Variants in DENND1A observed in about 807,000 individuals in gnomAD.
DENND1A encodes the protein DENN domain-containing protein 1A.
A neutral mutation model predicts 113.7 loss-of-function variants in DENND1A; 51 were observed. The ratio of observed to expected loss-of-function variants is 0.45; its 90% confidence interval spans 0.36 to 0.57. The LOEUF (loss-of-function observed/expected upper bound fraction) is 0.57, where lower values mean the gene tolerates loss of function less well. Among genes scored for constraint, DENND1A ranks in the 20% least tolerant of loss-of-function variants. The pLI, the probability that DENND1A is intolerant of heterozygous loss-of-function variation, is 0.00. For synonymous variants in DENND1A, 565 were observed against 570.8 expected (o/e 0.99, Z 0.14); for missense variants, 1,258 against 1,395.9 (o/e 0.90, Z 1.57).
chr9:123,715,438 T>TA (rs1193651205), intron 5 of DENND1A, among the ~76,000 whole-genome samples: 1 of 152,184 alleles, frequency 6.6e-6, no homozygotes, highest in African/African-American at 2.4e-5. Flanking sequence ...CTGACTCATA[T>TA]AAAACTTCCT....
At chr9:123,858,088 A>C (rs2133245631) in intron 2 of DENND1A, among the ~76,000 whole-genome samples, 1 of 152,118 alleles carries the variant, frequency 6.6e-6, no homozygotes, top group African/African-American at 2.4e-5. Context: ...AAAAGAAAGA[A>C]AGAAACATTA....
At chr9:123,455,843 A>T (rs1250758694) in intron 15 of DENND1A, among the ~76,000 whole-genome samples, 2 of 152,208 alleles carry the variant, frequency 1.3e-5, no homozygotes, top group African/African-American at 4.8e-5. Flanking sequence ...ACACAACTCC[A>T]GCCCAGCCTC....
At chr9:123,525,330 T>C (rs975656084) in intron 13 of DENND1A, among the ~76,000 whole-genome samples, 1 of 152,168 alleles carries the variant, frequency 6.6e-6, no homozygotes, top group African/African-American at 2.4e-5. Flanking sequence ...TTTACTCTTG[T>C]TGGGGGTAAG....
chr9:123,454,836 G>A lies in DENND1A; in HGVS notation c.1187-57C>T. 6 of 1,365,200 alleles carry A rather than the reference G, an allele frequency of 4.4e-6. No individual in the cohort carries two copies. In the South Asian group the frequency reaches 7.7e-5, roughly 18 times the overall value. 84.6% of individuals were successfully genotyped at this position (1,365,200 alleles called of 1,614,324 possible). ...TTAAAGAGGTGATTTGTCCTTGGGA[G>A]TCCTTAAAATTGCTTTTTTTTTTTT... is the stretch of plus-strand genomic sequence containing the variant. On this transcript the variant is annotated intron_variant, in intron 15 of 23. Coordinates refer to ENST00000394215, the MANE Select transcript of DENND1A (RefSeq NM_001352964.2).
chr9:123,722,810 G>A (rs547675490), intron 5 of DENND1A, among the ~76,000 whole-genome samples: 1 of 152,216 alleles, frequency 6.6e-6, no homozygotes, highest in East Asian at 1.9e-4. Context: ...CTGCAGGAGT[G>A]GGGGCCCTCA....
At chr9:123,559,687 C>A (rs2136087713) in intron 12 of DENND1A, among the ~76,000 whole-genome samples, 1 of 152,328 alleles carries the variant, frequency 6.6e-6, no homozygotes, top group East Asian at 1.9e-4. Context: ...AGACATATTT[C>A]ACATATAAAA....
At chr9:123,433,094 AT>A (rs1564477885) in intron 19 of DENND1A, among the ~76,000 whole-genome samples, 1 of 152,178 alleles carries the variant, frequency 6.6e-6, no homozygotes, top group African/African-American at 2.4e-5. Context: ...AAAGAGACTG[AT>A]ATTTACCAGG....
intron 19 of DENND1A, among the ~76,000 whole-genome samples, chr9:123,428,971 T>C (rs2045939873): frequency 1.3e-5 from 2 of 152,138 alleles, no homozygotes. Flanking sequence ...CTACCCAAAG[T>C]ACTTTATAGA....
intron 3 of DENND1A, among the ~76,000 whole-genome samples, chr9:123,779,872 C>CTTTTTTTT (rs72419269): frequency 4.9e-5 from 7 of 143,930 alleles, no homozygotes; most frequent in African/African-American, 5.5e-5. Context: ...TTGCATGAGA[C>CTTTTTTTT]TTTTTTTTGA....
rs555364975 is a variant in DENND1A, at chr9:123,773,764, T to C, written c.133-4201A>G. Among the ~76,000 whole-genome samples, 25 of 152,206 alleles carry C rather than the reference T, an allele frequency of 1.6e-4. No individual in the cohort carries two copies. In the South Asian group the frequency reaches 5.0e-3, roughly 30 times the overall value. On this transcript the variant is annotated intron_variant, in intron 3 of 23. Coordinates refer to ENST00000394215, the MANE Select transcript of DENND1A (RefSeq NM_001352964.2). ...CAGACATACACACCCCATAAATAAA[T>C]GCCATCTGAAAGATAAAAGTGCAGA... is the stretch of plus-strand genomic sequence containing the variant.
intron 19 of DENND1A, among the ~76,000 whole-genome samples, chr9:123,417,840 G>A (rs2044864748): frequency 6.6e-6 from 1 of 152,048 alleles, no homozygotes; most frequent in Non-Finnish European, 1.5e-5. Flanking sequence ...TCTGGTAGAG[G>A]GCGCTGTCAT....
At chr9:123,895,560 G>A (rs1222158346) in intron 1 of DENND1A, among the ~76,000 whole-genome samples, 9 of 151,422 alleles carry the variant, frequency 5.9e-5, no homozygotes, top group East Asian at 1.9e-4. Flanking sequence ...AGGTGGAGGT[G>A]GCACTGAGCC....
Position 123,748,929 on chromosome 9 carries a change from G to A in DENND1A, c.302+8774C>T, listed in dbSNP as rs180969482. On this transcript the variant is annotated intron_variant, in intron 5 of 23. Coordinates refer to ENST00000394215, the MANE Select transcript of DENND1A (RefSeq NM_001352964.2). ...TTTCCATTCAAACATACCTTGCATCGGATTTAAACAGAACTGATCATCTTG... is the reference window on the plus strand; with the variant it reads ...TTTCCATTCAAACATACCTTGCATCAGATTTAAACAGAACTGATCATCTTG... Among the ~76,000 whole-genome samples the A allele has an allele frequency of 2.9e-3, 448 of 152,208 alleles. 2 individuals carry two copies. The highest frequency in any genetic ancestry group is 8.7e-3 in the Admixed American group (133 of 15,284).
In DENND1A at chr9:123,440,420, C is replaced by T. The variant is rs749681844; in HGVS notation, c.1428G>A (p.Val476=). 2.5e-6 allele frequency: 4 copies of T among 1,589,124 alleles called. No homozygotes were observed. Among genetic ancestry groups the T allele is most frequent in the African/African-American group, 1.4e-5 (1 of 72,346 alleles). The change falls in exon 19 of 24, where the codon GTG becomes GTA. Residue 476 remains valine (V), a synonymous_variant. Transcript: ENST00000394215. ...QLPKTAPSPL[V]EAKDPKLRED... ...CTCGGAGCTTGGGGTCCTTGGCCTCCACCAGTGGGGACGGTGCAGTCTTTG... is the reference window on the plus strand; with the variant it reads ...CTCGGAGCTTGGGGTCCTTGGCCTCTACCAGTGGGGACGGTGCAGTCTTTG...
Position 123,383,674 on chromosome 9 carries a change from G to A in DENND1A, c.2000C>T (p.Pro667Leu), listed in dbSNP as rs1223910356. Residue 667 changes from proline (P) to leucine (L), a missense_variant, in exon 23 of 24, where the codon CCA becomes CTA. Around this residue, in one of 2 missense-constraint regions of DENND1A, gnomAD observed 1,159 missense variants for 1,231.7 expected, o/e 0.94. Transcript: ENST00000394215. ...LRAPKDLREQ[P>L]GTFDYQRLDL... ...CCATACCTGATAGTCAAAGGTCCCTGGCTGCTCCCTCAGGTCTTTGGGGGC... is the reference window on the plus strand; with the variant it reads ...CCATACCTGATAGTCAAAGGTCCCTAGCTGCTCCCTCAGGTCTTTGGGGGC... 3 of 1,613,732 alleles carry A rather than the reference G, an allele frequency of 1.9e-6. No homozygotes were observed. The highest frequency in any genetic ancestry group is 2.2e-5 in the East Asian group (1 of 44,876).
intron 2 of DENND1A, among the ~76,000 whole-genome samples, chr9:123,807,236 A>C (rs1412305378): frequency 6.6e-6 from 1 of 152,172 alleles, no homozygotes; most frequent in Non-Finnish European, 1.5e-5. Context: ...TGAATTTTCT[A>C]TATTTTTAAT....
Position 123,382,003 on chromosome 9 carries a change from G to A in DENND1A, c.2642C>T (p.Ala881Val), listed in dbSNP as rs1042165631. Residue 881 changes from alanine (A) to valine (V), a missense_variant, in exon 24 of 24, where the codon GCA becomes GTA. Transcript: ENST00000394215. Reference sequence around the variant, plus strand: ...CTGTGGGAATGGGGTGGGTGTCCCTGCAGGGGGGAAGCTGAATTGGGGGGT... The same window carrying A: ...CTGTGGGAATGGGGTGGGTGTCCCTACAGGGGGGAAGCTGAATTGGGGGGT... ...PFTPQFSFPP[A>V]GTPTPFPQPP... The A allele has an allele frequency of 1.1e-5, 16 of 1,475,358 alleles. No homozygotes were observed. In the South Asian group the frequency reaches 1.6e-4, roughly 14 times the overall value. 91.4% of individuals were successfully genotyped at this position (1,475,358 alleles called of 1,614,324 possible).
At chr9:123,415,632 C>T (rs1315541739) in intron 19 of DENND1A, among the ~76,000 whole-genome samples, 2 of 152,222 alleles carry the variant, frequency 1.3e-5, no homozygotes, top group Admixed American at 6.5e-5. Flanking sequence ...GGCCCTCCTG[C>T]TCCCACCGCA....
chr9:123,674,111 C>T (rs537290152), intron 6 of DENND1A, among the ~76,000 whole-genome samples: 92 of 152,118 alleles, frequency 6.0e-4, no homozygotes, highest in Non-Finnish European at 1.2e-3. Flanking sequence ...TACCACCATG[C>T]TCCCACATAA....
Sources: gnomAD v4.1 joint callset for allele counts (sites outside exome capture counted in the v4.1 genomes callset) on GRCh38, gnomAD v4.1.1 for gene constraint, gnomAD v4.1.1 regional missense constraint, MANE v1.5 for transcripts, NCBI Gene and HGNC (gene_info 2026-07-23, HGNC 2026-07-21) for gene names.